PRKAG2: variants seen among roughly 807,000 people sequenced by gnomAD.
The protein encoded by PRKAG2 is 5'-AMP-activated protein kinase subunit gamma-2.
PRKAG2 carries 26 observed loss-of-function variants against 69.6 expected under a neutral mutation model. The ratio of observed to expected loss-of-function variants is 0.37; its 90% CI spans 0.27 to 0.52. The LOEUF is 0.52. Ranked by LOEUF, PRKAG2 falls within the 20% of genes least tolerant of loss-of-function variation. The pLI, the probability that PRKAG2 is intolerant of heterozygous loss-of-function variation, is 0.90. For missense variants in PRKAG2, 557 were observed against 740.0 expected, an observed-to-expected ratio of 0.75 and a Z score of 2.87; for synonymous variants, 293 against 285.0, an observed-to-expected ratio of 1.03 and a Z score of -0.28.
chr7:151,676,083 C>T (rs1166697708), intron 3 of PRKAG2, among the ~76,000 whole-genome samples: 2 of 152,100 alleles, frequency 1.3e-5, no homozygotes, highest in African/African-American at 2.4e-5. Flanking sequence ...CTCCATTCAG[C>T]CAAATATCAT....
intron 6 of PRKAG2, among the ~76,000 whole-genome samples, chr7:151,584,151 T>C (rs1811101829): frequency 6.6e-6 from 1 of 152,186 alleles, no homozygotes; most frequent in African/African-American, 2.4e-5. Context: ...TCATCTTCCA[T>C]GCCCCTCCAA....
chr7:151,762,736 C>T (rs1392717063), intron 3 of PRKAG2, among the ~76,000 whole-genome samples: 1 of 152,176 alleles, frequency 6.6e-6, no homozygotes, highest in Non-Finnish European at 1.5e-5. Context: ...TGGACTCAAA[C>T]CCCACTGAAG....
intron 3 of PRKAG2, among the ~76,000 whole-genome samples, chr7:151,711,793 G>A (rs1251209276): frequency 6.6e-6 from 1 of 152,212 alleles, no homozygotes; most frequent in Non-Finnish European, 1.5e-5. Context: ...GGATATGCAG[G>A]TTCCTGAGAG....
At chr7:151,651,624 A>G (rs1413426755) in intron 4 of PRKAG2, among the ~76,000 whole-genome samples, 1 of 152,126 alleles carries the variant, frequency 6.6e-6, no homozygotes, top group Non-Finnish European at 1.5e-5. Flanking sequence ...ACAAAAAACC[A>G]AAAATGCAAG....
intron 4 of PRKAG2, among the ~76,000 whole-genome samples, chr7:151,636,729 G>C (rs1289556709): frequency 6.6e-6 from 1 of 151,928 alleles, no homozygotes; most frequent in African/African-American, 2.4e-5. Flanking sequence ...TTTTGAAATG[G>C]AGTCTCACTC....
At chr7:151,876,149 A>G (rs2080396973) in intron 1 of PRKAG2, among the ~76,000 whole-genome samples, 1 of 147,878 alleles carries the variant, frequency 6.8e-6, no homozygotes, top group African/African-American at 2.5e-5. Context: ...CGCAGTCCAC[A>G]CCGTCCCTTT....
At chr7:151,639,388 G>A (rs1826287150) in intron 4 of PRKAG2, among the ~76,000 whole-genome samples, 1 of 152,124 alleles carries the variant, frequency 6.6e-6, no homozygotes, top group Non-Finnish European at 1.5e-5. Context: ...TTTGAATCCA[G>A]TCATCTTGAC....
chr7:151,764,221 C>T (rs1434114997), intron 3 of PRKAG2, among the ~76,000 whole-genome samples: 2 of 152,132 alleles, frequency 1.3e-5, no homozygotes, highest in Admixed American at 6.5e-5. Context: ...GTGCAGCAGC[C>T]GCTTTGACAG....
intron 1 of PRKAG2, among the ~76,000 whole-genome samples, chr7:151,849,284 C>T (rs756360822): frequency 2.6e-5 from 4 of 152,374 alleles, no homozygotes; most frequent in South Asian, 2.1e-4. Flanking sequence ...CCCTCCCACA[C>T]GGGGCGGTCT....
At chr7:151,779,007 A>G (rs1202410805) in intron 3 of PRKAG2, among the ~76,000 whole-genome samples, 1 of 152,152 alleles carries the variant, frequency 6.6e-6, no homozygotes, top group East Asian at 1.9e-4. Flanking sequence ...TCAAATTATT[A>G]TATGCATATG....
intron 1 of PRKAG2, among the ~76,000 whole-genome samples, chr7:151,825,324 G>T (rs1314403005): frequency 6.6e-6 from 1 of 152,196 alleles, no homozygotes. Context: ...AATAGGACAC[G>T]ATTCTTTGTT....
At chr7:151,700,589 T>C (rs1374846435) in intron 3 of PRKAG2, among the ~76,000 whole-genome samples, 3 of 152,212 alleles carry the variant, frequency 2.0e-5, no homozygotes, top group East Asian at 1.9e-4. Context: ...GGTCCAGAAA[T>C]TGGCTTTTCT....
rs2302528 is a variant in PRKAG2 at position 151,575,175 on chromosome 7, A to G, written c.947-226T>C. Among the ~76,000 whole-genome samples, 5,069 of 152,342 alleles carry G rather than the reference A, an allele frequency of 0.033. 226 individuals carry two copies. The highest frequency in any genetic ancestry group is 0.17 in the East Asian group (892 of 5,188). On this transcript the variant is annotated intron_variant, in intron 7 of 15. Transcript: ENST00000287878. ...TAAACCTGACAGTAAGTACTACGGA[A>G]CTAACCAGAGAATTTGGCAAATCAA...
At chr7:151,687,281 C>CA (rs1392882550) in intron 3 of PRKAG2, among the ~76,000 whole-genome samples, 1 of 152,188 alleles carries the variant, frequency 6.6e-6, no homozygotes, top group Non-Finnish European at 1.5e-5. Flanking sequence ...TTCGCTTGGG[C>CA]AAAAGACAAC....
chr7:151,722,688 G>C (rs1026948915), intron 3 of PRKAG2, among the ~76,000 whole-genome samples: 1 of 152,104 alleles, frequency 6.6e-6, no homozygotes, highest in African/African-American at 2.4e-5. Context: ...TCGTGTGCAA[G>C]GGAAGCCGAG....
At chr7:151,648,467 G>T (rs1365214515) in intron 4 of PRKAG2, among the ~76,000 whole-genome samples, 2 of 152,136 alleles carry the variant, frequency 1.3e-5, no homozygotes, top group Non-Finnish European at 2.9e-5. Flanking sequence ...AAGGGCTGGG[G>T]CACCCGGGAA....
At chr7:151,786,679 G>A (rs1307508440) in intron 1 of PRKAG2, 138 bp from the exon 2 acceptor site, 1 of 739,046 alleles carries the variant, frequency 1.4e-6, no homozygotes, top group Non-Finnish European at 2.3e-6. Flanking sequence ...ATGTGGACGT[G>A]TTTGCTACAC....
At chr7:151,608,138 A>G (rs955853396) in intron 5 of PRKAG2, among the ~76,000 whole-genome samples, 5 of 152,310 alleles carry the variant, frequency 3.3e-5, no homozygotes, top group Middle Eastern at 3.4e-3. Flanking sequence ...CAACAGCAGG[A>G]GCTGAGGGCA....
At position 151,777,542 on chromosome 7, in the gene PRKAG2, G is replaced by T. The variant is rs944214775; in HGVS notation, c.466+3610C>A. 2.0e-5 allele frequency among the ~76,000 whole-genome samples: 3 copies of T among 152,094 alleles called. No individual in the cohort carries two copies. The highest frequency in any genetic ancestry group is 7.2e-5 in the African/African-American group (3 of 41,406). ...CCTCCCCCCTCTCTCTTGCTCCCTTGCGTGTGAGCTCTGCATACCCCGGCT... is the reference window on the plus strand; with the variant it reads ...CCTCCCCCCTCTCTCTTGCTCCCTTTCGTGTGAGCTCTGCATACCCCGGCT... On this transcript the variant is annotated intron_variant, in intron 3 of 15. Coordinates refer to ENST00000287878, the MANE Select transcript of PRKAG2 (RefSeq NM_016203.4). The surrounding 1 kb of genome is among the most constrained non-coding windows in gnomAD (Gnocchi z 4.3).
Sources: allele counts gnomAD v4.1 joint callset (sites outside exome capture counted in the v4.1 genomes callset), GRCh38; gene constraint gnomAD v4.1.1; non-coding constraint Gnocchi (gnomAD v3.1); transcripts MANE v1.5; gene names NCBI Gene and HGNC (gene_info 2026-07-23, HGNC 2026-07-21).